TRRAP: variants seen among roughly 807,000 people sequenced by gnomAD.
TRRAP encodes transformation/transcription domain associated protein.
A neutral mutation model predicts 438.8 loss-of-function variants in TRRAP; 41 were observed. The ratio of observed to expected loss-of-function variants is 0.09; its 90% CI spans 0.07 to 0.12. The LOEUF is 0.12. Ranked by LOEUF, TRRAP falls within the 10% of genes least tolerant of loss-of-function variation. TRRAP has a pLI of 1.00. For synonymous variants in TRRAP, 1,994 were observed against 1,962.9 expected (o/e 1.02, Z -0.42); for missense variants, 3,122 against 5,055.1 (o/e 0.62, Z 11.60).
chr7:98,983,236 G>T, intron 59 of TRRAP, 28 bp from the exon 60 acceptor site: 4 of 1,572,018 alleles, frequency 2.5e-6, no homozygotes, highest in Non-Finnish European at 3.5e-6. Context: ...GACATTTACC[G>T]CAGAGTCTCT....
In TRRAP at chr7:98,988,891, C is replaced by A. The variant is rs372255507; in HGVS notation, c.9516C>A (p.Gly3172=). ...TGAAGGAGCGGCAGCTGCACCTGGG[C>A]GTGTCTGCCATCACCTGCTACCTGC... ...IFVKERQLHL[G]VSAITCYLHA... is the part of the protein sequence containing the mutation. Residue 3172 remains glycine, a synonymous_variant, in exon 63 of 73, where the codon GGC becomes GGA. Coordinates refer to ENST00000456197, the MANE Select transcript of TRRAP (RefSeq NM_001375524.1). 6.2e-7 allele frequency: 1 copy of A among 1,613,972 alleles called. No homozygotes were observed. Among genetic ancestry groups the A allele is most frequent in the South Asian group, 1.1e-5 (1 of 91,080 alleles).
In TRRAP at chr7:98,899,662, G is replaced by A; in HGVS notation, c.712-17G>A. On this transcript the variant is annotated splice_polypyrimidine_tract_variant and intron_variant, in intron 9 of 72. Transcript: ENST00000456197. Reference sequence around the variant, plus strand: ...GCAGAGTGTCAATGTATGAAAATCTGGTATGTTTGCTTTTAGCTCTACAAA... The same window carrying A: ...GCAGAGTGTCAATGTATGAAAATCTAGTATGTTTGCTTTTAGCTCTACAAA... 6.2e-7 allele frequency: 1 copy of A among 1,614,022 alleles called. No individual in the cohort carries two copies. The highest frequency in any genetic ancestry group is 8.5e-7 in the Non-Finnish European group (1 of 1,179,930).
rs1554411715 is a variant in TRRAP at position 98,927,148 on chromosome 7, A to G, written c.2976-19A>G. On this transcript the variant is annotated intron_variant, in intron 22 of 72. Transcript: ENST00000456197. ...CAGGAGTTGGGTGTCGTGACACCAG[A>G]TCTGATTTTGCCTTTCAGCTTTACA... 6.2e-7 allele frequency: 1 copy of G among 1,614,182 alleles called. No homozygotes were observed. Among genetic ancestry groups the G allele is most frequent in the Non-Finnish European group, 8.5e-7 (1 of 1,180,004 alleles).
In TRRAP at chr7:98,945,788, C is replaced by A; in HGVS notation, c.4515C>A (p.Phe1505Leu). The A allele has an allele frequency of 6.3e-7, 1 of 1,598,332 alleles. No homozygotes were observed. The highest frequency in any genetic ancestry group is 8.5e-7 in the Non-Finnish European group (1 of 1,179,742). The change falls in exon 32 of 73, where the codon TTC becomes TTA. Residue 1505 changes from phenylalanine to leucine, a missense_variant. By Grantham distance (22) the Phe-to-Leu change is conservative (BLOSUM62 0). Coordinates refer to ENST00000456197, the MANE Select transcript of TRRAP (RefSeq NM_001375524.1). ...GCGGGAGATGTCCCTTGTCTCCATT[C>A]TGTCAGTTTGAGGTGAGAACAACCT... ...SECGRCPLSP[F>L]CQFEPAMEGV...
chr7:98,967,365 A>G, intron 50 of TRRAP, 120 bp from the exon 51 acceptor site: 2 of 1,324,564 alleles, frequency 1.5e-6, no homozygotes, highest in Non-Finnish European at 2.1e-6. Flanking sequence ...GATTTATAAC[A>G]TACTCTTGGT....
In TRRAP at chr7:98,910,493, T is replaced by C; in HGVS notation, c.1715-17T>C. ...GAGTTTTATTCAAGTTAACTTAATA[T>C]ACTTTCTCTTTTCCAGAAGCTCAGT... On this transcript the variant is annotated splice_polypyrimidine_tract_variant and intron_variant, in intron 15 of 72. Coordinates refer to ENST00000456197, the MANE Select transcript of TRRAP (RefSeq NM_001375524.1). 1 of 1,614,000 alleles carries C rather than the reference T, an allele frequency of 6.2e-7. No individual in the cohort carries two copies. Among genetic ancestry groups the C allele is most frequent in the Non-Finnish European group, 8.5e-7 (1 of 1,180,022 alleles).
intron 21 of TRRAP, among the ~76,000 whole-genome samples, chr7:98,924,111 T>A (rs1327228311): frequency 2.0e-5 from 3 of 152,254 alleles, no homozygotes; most frequent in South Asian, 4.1e-4. Flanking sequence ...ATTATTCTTG[T>A]TAGGATCTTG....
Position 98,994,601 on chromosome 7 carries a change from C to T in TRRAP, c.10062C>T (p.Leu3354=), listed in dbSNP as rs201812924. The T allele has an allele frequency of 3.1e-6, 5 of 1,614,146 alleles. No homozygotes were observed. The African/African-American group carries it at 5.3e-5, about 17-fold the overall frequency. The change falls in exon 67 of 73, where the codon CTC becomes CTT. Residue 3354 remains leucine (L), a synonymous_variant. Coordinates refer to ENST00000456197, the MANE Select transcript of TRRAP (RefSeq NM_001375524.1). This position sits in a 1 kb window ranked among gnomAD's most constrained non-coding sequence, Gnocchi z 4.8. ...TTTTCTACCAGGTTCTCAGGCAGCT[C>T]CAACAGGGCCTGGCGAAATGTTACT... ...ENWHEEVLRQ[L]QQGLAKCYSV...
intron 58 of TRRAP, 124 bp from the exon 59 acceptor site, chr7:98,981,638 TCTATAGC>T: frequency 2.3e-6 from 2 of 879,320 alleles, no homozygotes; most frequent in Non-Finnish European, 3.4e-6. Flanking sequence ...AAAATACATT[TCTATAGC>T]CTAATTTCTG....
chr7:98,989,850 C>T (rs1793312652), intron 63 of TRRAP, among the ~76,000 whole-genome samples: 2 of 152,068 alleles, frequency 1.3e-5, no homozygotes, highest in Admixed American at 1.3e-4. Flanking sequence ...GGGCAGGCCC[C>T]AGGCATCTTC....
chr7:98,912,234 G>A (rs1241651184), intron 18 of TRRAP, 21 bp downstream of exon 18: 5 of 1,609,510 alleles, frequency 3.1e-6, no homozygotes, highest in Non-Finnish European at 4.2e-6. Context: ...TTTAATCTAA[G>A]TAGTGCTTCT....
intron 11 of TRRAP, 100 bp from the exon 12 acceptor site, chr7:98,903,279 C>T: frequency 6.6e-7 from 1 of 1,506,082 alleles, no homozygotes; most frequent in Non-Finnish European, 9.0e-7. Context: ...ACCTCGGCCT[C>T]CCAAAGGTCT....
In TRRAP at chr7:98,978,213, A is replaced by C. The variant is rs1792758203; in HGVS notation, c.8388A>C (p.Ala2796=). Residue 2796 remains alanine, a splice_region_variant and synonymous_variant, in exon 57 of 73, where the codon GCA becomes GCC. Transcript: ENST00000456197. ...TTAAAAACATTAACTTTTTTTAGGC[A>C]CAAGAATCCTATGAAAAGGCAATGG... ...AYEQHGFFEQ[A]QESYEKAMDK... 1 of 1,611,410 alleles carries C rather than the reference A, an allele frequency of 6.2e-7. No homozygotes were observed. The highest frequency in any genetic ancestry group is 1.7e-4 in the Middle Eastern group (1 of 6,052).
At chr7:98,937,099 A>G (rs201334368) in intron 28 of TRRAP, 57 bp from the exon 29 acceptor site, 4 of 1,537,462 alleles carry the variant, frequency 2.6e-6, no homozygotes, top group Non-Finnish European at 2.6e-6. Flanking sequence ...AGAGAAGAAA[A>G]TTATTTGGGC....
At chr7:98,996,020 C>T (rs527334799) in intron 67 of TRRAP, among the ~76,000 whole-genome samples, 2 of 150,386 alleles carry the variant, frequency 1.3e-5, no homozygotes, top group Admixed American at 1.3e-4. Context: ...ATCTACTCAC[C>T]CCTGTCCCAT....
At chr7:98,952,013 A>G (rs1032083015) in intron 39 of TRRAP, among the ~76,000 whole-genome samples, 5 of 152,180 alleles carry the variant, frequency 3.3e-5, no homozygotes, top group Admixed American at 2.0e-4. Flanking sequence ...CTGTGGATGC[A>G]GGTGTGGGCC....
At chr7:98,966,743 A>G (rs1697448419) in intron 49 of TRRAP, among the ~76,000 whole-genome samples, 1 of 152,194 alleles carries the variant, frequency 6.6e-6, no homozygotes, top group African/African-American at 2.4e-5. Context: ...GATAAAGATA[A>G]GACAAATAAT....
chr7:98,893,652 T>G (rs1174183785), intron 5 of TRRAP, 146 bp from the exon 6 acceptor site: 3 of 727,530 alleles, frequency 4.1e-6, no homozygotes, highest in Non-Finnish European at 7.0e-6. Flanking sequence ...GCTTTCTGTC[T>G]GGGACAACTG....
At chr7:98,929,881 G>A (rs1790241003) in intron 23 of TRRAP, 108 bp from the exon 24 acceptor site, 3 of 1,207,948 alleles carry the variant, frequency 2.5e-6, no homozygotes, top group African/African-American at 1.5e-5. Context: ...GGTGTGAGCC[G>A]CCGTGCCCTG....
Sources: allele counts gnomAD v4.1 joint callset (sites outside exome capture counted in the v4.1 genomes callset), GRCh38; gene constraint gnomAD v4.1.1; non-coding constraint Gnocchi (gnomAD v3.1); transcripts MANE v1.5; gene names NCBI Gene and HGNC (gene_info 2026-07-23, HGNC 2026-07-21).